BEND2: variants seen among roughly 807,000 people sequenced by gnomAD.
BEND2 encodes BEN domain-containing protein 2.
A neutral mutation model predicts 43.8 loss-of-function variants in BEND2; 19 were observed. That is an observed-to-expected ratio of 0.43 (90% CI 0.30 to 0.64). The LOEUF is 0.64. Among genes scored for constraint, BEND2 ranks in the 30% least tolerant of loss-of-function variants. The pLI is 0.11. For synonymous variants in BEND2, 226 were observed against 210.1 expected (o/e 1.08, Z -0.66); for missense variants, 544 against 574.0 (o/e 0.95, Z 0.53).
chrX:18,190,510 A>G (rs1357654435), intron 8 of BEND2, among the ~76,000 whole-genome samples: 2 of 111,800 alleles, frequency 1.8e-5, no homozygotes, highest in African/African-American at 3.3e-5. Flanking sequence ...GTCCAATGGT[A>G]TATCAGTCCA....
chrX:18,189,016 C>T (rs372695631), intron 8 of BEND2, among the ~76,000 whole-genome samples: 83 of 109,230 alleles, frequency 7.6e-4, no homozygotes, highest in East Asian at 1.5e-3. Flanking sequence ...CTGGCCAGCA[C>T]GGTGAAACCC....
At position 18,208,500 on chromosome X, in the gene BEND2, A is replaced by AT. The variant is rs1416717584; in HGVS notation, c.492+4064_492+4065insA. Among the ~76,000 whole-genome samples, 7 of 111,124 alleles carry AT rather than the reference A, an allele frequency of 6.3e-5. No individual in the cohort carries two copies. The East Asian group carries it at 8.4e-4, about 13-fold the overall frequency. ...GATTCCATCTCAAATATATATATAT[A>AT]AAAAATAAGTAGTCAATGTCTTAAT... On this transcript the variant is annotated intron_variant, in intron 4 of 13. Coordinates refer to ENST00000380033, the MANE Select transcript of BEND2 (RefSeq NM_153346.5).
rs765362164 is a variant in BEND2, at chrX:18,201,812, C to A, written c.1033+3G>T. On this transcript the variant is annotated splice_donor_region_variant and intron_variant, in intron 6 of 13. Transcript: ENST00000380033. Reference sequence around the variant, plus strand: ...CCAGCATTATGTATCATTTCAAACTCACCAAAATAGGGAGGGATGAAGACA... The same window carrying A: ...CCAGCATTATGTATCATTTCAAACTAACCAAAATAGGGAGGGATGAAGACA... 44 of 1,202,294 alleles carry A rather than the reference C, an allele frequency of 3.7e-5. No individual in the cohort carries two copies. In the South Asian group the frequency reaches 7.6e-4, roughly 21 times the overall value.
Position 18,165,076 on chromosome X carries a change from A to T in BEND2, c.2333T>A (p.Val778Glu). 8.3e-7 allele frequency: 1 copy of T among 1,210,192 alleles called. No individual in the cohort carries two copies. The highest frequency in any genetic ancestry group is 1.1e-6 in the Non-Finnish European group (1 of 895,510). Reference sequence around the variant, plus strand: ...CTCCTGCTCCAGCTCTGGAGGGGTCACTGCTGGAAGCGACTGAGACCTGGC... The same window carrying T: ...CTCCTGCTCCAGCTCTGGAGGGGTCTCTGCTGGAAGCGACTGAGACCTGGC... ...AEARSQSLPA[V>E]TPPELEQESK... The change falls in exon 14 of 14, where the codon GTG becomes GAG. Residue 778 changes from valine to glutamate, a missense_variant. This residue lies in a region of BEND2 where 43 missense variants were observed against 72.4 expected (regional missense o/e 0.59). Transcript: ENST00000380033.
At position 18,203,854 on chromosome X, in the gene BEND2, G is replaced by C. The variant is rs779307429; in HGVS notation, c.554C>G (p.Ala185Gly). 2.8e-5 allele frequency: 34 copies of C among 1,208,060 alleles called. No individual in the cohort carries two copies. The Middle Eastern group carries it at 1.2e-3, about 41-fold the overall frequency. The stretch of plus-strand genomic sequence containing the variant: ...TGCTGCTGACTCAAGAGATGTTACA[G>C]CAGGGCTGGCCCAGGCATGGGTTTC... ...RQETHAWASP[A>G]VTSLESAACH... The change falls in exon 5 of 14, where the codon GCT becomes GGT. Residue 185 changes from alanine (A) to glycine (G), a missense_variant. Ala to Gly is a moderately conservative substitution (Grantham distance 60, BLOSUM62 0). This residue lies in a region of BEND2 where 501 missense variants were observed against 501.6 expected (regional missense o/e 1.00). Transcript: ENST00000380033.
intron 12 of BEND2, among the ~76,000 whole-genome samples, chrX:18,173,115 A>T (rs1924026357): frequency 9.0e-6 from 1 of 111,436 alleles, no homozygotes; most frequent in African/African-American, 3.3e-5. Context: ...CACTGCAGTG[A>T]CTGCTTGGCT....
chrX:18,206,051 G>T (rs953976887), intron 4 of BEND2, among the ~76,000 whole-genome samples: 1 of 111,926 alleles, frequency 8.9e-6, no homozygotes, highest in African/African-American at 3.2e-5. Context: ...GAATCGGGAT[G>T]AAAATCTCTC....
chrX:18,171,110 G>T lies in BEND2; in HGVS notation c.2076C>A (p.Tyr692Ter). ...TKSCASLSAR[Y>*]LIQKLFTKDV... ...CTTTTGTGAAGAGTTTCTGAATAAG[G>T]TATCTAGCCGACAGGCTTGCGCAAG... The change falls in exon 13 of 14, where the codon TAC (tyrosine) becomes TAA (stop). Residue 692 changes from tyrosine to a stop codon, truncating the protein, a stop_gained. Coordinates refer to ENST00000380033, the MANE Select transcript of BEND2 (RefSeq NM_153346.5). LOFTEE classifies it high-confidence loss of function. 2 of 1,210,786 alleles carry T rather than the reference G, an allele frequency of 1.7e-6. No individual in the cohort carries two copies. The highest frequency in any genetic ancestry group is 2.2e-6 in the Non-Finnish European group (2 of 894,360).
chrX:18,196,982 G>T (rs1289380591), intron 6 of BEND2, among the ~76,000 whole-genome samples: 1 of 111,885 alleles, frequency 8.9e-6, no homozygotes, highest in Admixed American at 9.5e-5. Context: ...TAAAACTGGG[G>T]CTATCTCAGT....
chrX:18,219,389 C>T (rs1017280376), intron 1 of BEND2, among the ~76,000 whole-genome samples: 2 of 112,833 alleles, frequency 1.8e-5, no homozygotes, highest in South Asian at 7.3e-4. Flanking sequence ...CGGCCTCCCC[C>T]ACTCCAAAGG....
chrX:18,180,724 A>G (rs1924352510), intron 8 of BEND2, 74 bp from the exon 9 acceptor site: 1 of 736,204 alleles, frequency 1.4e-6, no homozygotes, highest in Admixed American at 3.0e-5. Context: ...GGGGAAATAC[A>G]CTCTCAGACA....
intron 13 of BEND2, among the ~76,000 whole-genome samples, chrX:18,168,161 A>G (rs942432413): frequency 4.5e-5 from 5 of 112,258 alleles, no homozygotes; most frequent in African/African-American, 1.6e-4. Flanking sequence ...GACATGTACG[A>G]TTGAAGAATA....
In BEND2 at chrX:18,216,679, T is replaced by G. The variant is rs773173230; in HGVS notation, c.80A>C (p.Glu27Ala). 2 of 1,210,551 alleles carry G rather than the reference T, an allele frequency of 1.7e-6. No individual in the cohort carries two copies. The highest frequency in any genetic ancestry group is 3.5e-5 in the South Asian group (2 of 56,938). ...DSDDNNDCSI[E>A]MVEVSETADN... ...TGCTGTTTCAGAAACTTCCACCATC[T>G]CAATACTGCAATCATTGTTATCATC... The change falls in exon 2 of 14, where the codon GAG becomes GCG. Residue 27 changes from glutamate to alanine, a missense_variant. By Grantham distance (107) the Glu-to-Ala change is moderately radical (BLOSUM62 -1). This residue lies in a region of BEND2 where 501 missense variants were observed against 501.6 expected (regional missense o/e 1.00). Transcript: ENST00000380033.
At chrX:18,165,673 T>G (rs1923804736) in intron 13 of BEND2, among the ~76,000 whole-genome samples, 1 of 112,185 alleles carries the variant, frequency 8.9e-6, no homozygotes, top group African/African-American at 3.2e-5. Flanking sequence ...GCTGGATTTA[T>G]CTCTGATAAA....
intron 4 of BEND2, among the ~76,000 whole-genome samples, chrX:18,204,134 T>C (rs981716809): frequency 3.6e-5 from 4 of 112,485 alleles, no homozygotes; most frequent in African/African-American, 1.3e-4. Context: ...AACATCATTT[T>C]CCATTGTTAA....
Position 18,220,874 on chromosome X carries a change from T to C in BEND2, c.-124A>G. 2.4e-6 allele frequency: 2 copies of C among 818,891 alleles called. No homozygotes were observed. The highest frequency in any genetic ancestry group is 5.2e-5 in the South Asian group (2 of 38,202). 67.5% of individuals were successfully genotyped at this position (818,891 alleles called of 1,213,427 possible). A position where few individuals can be genotyped will look rare whatever the true frequency, so the allele number is the denominator to read the frequency against. On this transcript the variant is annotated 5_prime_UTR_variant, in exon 1 of 14. Transcript: ENST00000380033. ...GTGTGGTAACTGCGTACACTCGTTGTCCGAGGCACAATGAGGCCCGGGCAG... is the reference window on the plus strand; with the variant it reads ...GTGTGGTAACTGCGTACACTCGTTGCCCGAGGCACAATGAGGCCCGGGCAG...
At chrX:18,186,676 T>C (rs1036833870) in intron 8 of BEND2, among the ~76,000 whole-genome samples, 2 of 107,948 alleles carry the variant, frequency 1.9e-5, no homozygotes, top group Non-Finnish European at 3.9e-5. Context: ...CAACATACAA[T>C]GGGGCTGGGC....
intron 4 of BEND2, among the ~76,000 whole-genome samples, chrX:18,209,235 CA>C (rs1925433814): frequency 9.0e-6 from 1 of 111,700 alleles, no homozygotes; most frequent in Admixed American, 9.6e-5. Context: ...CTCTCCCTTG[CA>C]AATGCATTCC....
In BEND2 at chrX:18,201,418, C is replaced by CA. The variant is rs367821568; in HGVS notation, c.1033+396dup. The stretch of plus-strand genomic sequence containing the variant: ...TCTCAAAAAAAAAAAAAAAAAAAAA[C>CA]AAAAAAAAAAAAACTGGTGGATCAA... On this transcript the variant is annotated intron_variant, in intron 6 of 13. Coordinates refer to ENST00000380033, the MANE Select transcript of BEND2 (RefSeq NM_153346.5). 6.1e-3 allele frequency among the ~76,000 whole-genome samples: 322 copies of CA among 52,704 alleles called. 5 individuals are homozygous for CA. Among genetic ancestry groups the CA allele is most frequent in the Non-Finnish European group, 8.2e-3 (246 of 30,060 alleles). 45.8% of individuals were successfully genotyped at this position (52,704 alleles called of 115,157 possible).
Sources: gnomAD v4.1 joint callset for allele counts (sites outside exome capture counted in the v4.1 genomes callset) on GRCh38, gnomAD v4.1.1 for gene constraint, gnomAD v4.1.1 regional missense constraint, MANE v1.5 for transcripts, NCBI Gene and HGNC (gene_info 2026-07-23, HGNC 2026-07-21) for gene names.